Variants in WNK2 observed in about 807,000 individuals in gnomAD.
WNK2 encodes the protein serine/threonine-protein kinase WNK2.
WNK2 carries 67 observed loss-of-function variants against 192.1 expected under a neutral mutation model. The observed-to-expected ratio is 0.35, with a 90% CI of 0.29 to 0.43. WNK2 has a LOEUF of 0.43. WNK2 is among the 20% of genes least tolerant of loss of function. The pLI is 1.00. For missense variants in WNK2, 2,698 were observed against 3,089.7 expected, an observed-to-expected ratio of 0.87 and a Z score of 3.01; for synonymous variants, 1,439 against 1,393.9, an observed-to-expected ratio of 1.03 and a Z score of -0.72.
rs527852924 is a variant in WNK2 at position 93,197,544 on chromosome 9, C to T, written c.681+11934C>T. 5.3e-5 allele frequency among the ~76,000 whole-genome samples: 8 copies of T among 152,116 alleles called. No individual in the cohort carries two copies. In the South Asian group the frequency reaches 1.7e-3, roughly 32 times the overall value. On this transcript the variant is annotated intron_variant, in intron 2 of 29. Coordinates refer to ENST00000427277, the MANE Select transcript of WNK2 (RefSeq NM_006648.4). Reference sequence around the variant, plus strand: ...GATCTGTGTGGTGTTTCTTTTTTTTCTTGAGGGAGTCTTGCTCTGTCTCCT... The same window carrying T: ...GATCTGTGTGGTGTTTCTTTTTTTTTTTGAGGGAGTCTTGCTCTGTCTCCT...
In WNK2 at chr9:93,289,590, C is replaced by T. The variant is rs1848992887; in HGVS notation, c.4836C>T (p.Val1612=). 6.7e-7 allele frequency: 1 copy of T among 1,503,298 alleles called. No homozygotes were observed. The highest frequency in any genetic ancestry group is 8.8e-7 in the Non-Finnish European group (1 of 1,130,090). 93.1% of individuals were successfully genotyped at this position (1,503,298 alleles called of 1,614,324 possible). Residue 1612 remains valine (V), a synonymous_variant, in exon 20 of 30, where the codon GTC becomes GTT. Coordinates refer to ENST00000427277, the MANE Select transcript of WNK2 (RefSeq NM_006648.4). Reference sequence around the variant, plus strand: ...TGCCCCCAGTGCCTAAGGAGGCGGTCTCAGGGCGTGTCCAGCTGCCCCAGC... The same window carrying T: ...TGCCCCCAGTGCCTAAGGAGGCGGTTTCAGGGCGTGTCCAGCTGCCCCAGC... ...LALPPVPKEA[V]SGRVQLPQPL...
chr9:93,317,726 G>T, intron 29 of WNK2, 95 bp downstream of exon 29: 1 of 1,510,196 alleles, frequency 6.6e-7, no homozygotes, highest in Non-Finnish European at 9.0e-7. Flanking sequence ...GGGGGCCCTG[G>T]GCAGGCCAGG....
At chr9:93,317,355 C>T (rs1854880081) in intron 28 of WNK2, 165 bp from the exon 29 acceptor site, 3 of 658,768 alleles carry the variant, frequency 4.6e-6, no homozygotes, top group Non-Finnish European at 7.9e-6. Flanking sequence ...TTCCTGGCCC[C>T]ACACCATCAT....
At chr9:93,299,488 T>A (rs1010259754) in intron 25 of WNK2, among the ~76,000 whole-genome samples, 2 of 150,320 alleles carry the variant, frequency 1.3e-5, no homozygotes, top group Non-Finnish European at 3.0e-5. Context: ...CAGGGGGAGG[T>A]GATGCTTTGC....
At chr9:93,216,519 G>C (rs1254023819) in intron 2 of WNK2, among the ~76,000 whole-genome samples, 4 of 151,972 alleles carry the variant, frequency 2.6e-5, no homozygotes, top group Non-Finnish European at 2.9e-5. Context: ...GATGCTACTG[G>C]GGAGGCCAAG....
rs759462096 is a variant in WNK2 at position 93,320,375 on chromosome 9, A to G, written c.6637A>G (p.Ser2213Gly). Residue 2213 changes from serine (S) to glycine (G), a missense_variant, in exon 30 of 30, where the codon AGT becomes GGT. Ser to Gly is a moderately conservative substitution (Grantham distance 56). Coordinates refer to ENST00000427277, the MANE Select transcript of WNK2 (RefSeq NM_006648.4). ...GCGGTTTTGTTTTCCAGATCCTGAG[A>G]GTGAGAAGCCTGACTGACCCCGCCT... ...TLSVPTPDPESEKPD is the reference protein window; with the variant it reads ...TLSVPTPDPEGEKPD 1.5e-6 allele frequency: 2 copies of G among 1,367,426 alleles called. No homozygotes were observed. The highest frequency in any genetic ancestry group is 9.1e-5 in the East Asian group (2 of 21,986). 84.7% of individuals were successfully genotyped at this position (1,367,426 alleles called of 1,614,324 possible).
At chr9:93,308,606 C>A in intron 28 of WNK2, 22 bp downstream of exon 28, 2 of 382,178 alleles carry the variant, frequency 5.2e-6, no homozygotes, top group Non-Finnish European at 8.2e-6. Flanking sequence ...GCGGGTGGGG[C>A]GGGTGCTCCT....
Position 93,262,540 on chromosome 9 carries a change from G to C in WNK2, c.3361-130G>C. On this transcript the variant is annotated intron_variant, in intron 13 of 29. Coordinates refer to ENST00000427277, the MANE Select transcript of WNK2 (RefSeq NM_006648.4). ...GTCGTACCCACCTGGCTGCAGAAGA[G>C]AGCAGGAGAACGCAGCGGGGCAGGC... 6.1e-6 allele frequency: 6 copies of C among 976,344 alleles called. 1 individual carries two copies. Among genetic ancestry groups the C allele is most frequent in the Non-Finnish European group, 9.5e-6 (6 of 633,270 alleles). The allele number at this position is 976,344 out of a possible 1,614,324, so 60.5% of individuals were successfully genotyped here. A position where few individuals can be genotyped will look rare whatever the true frequency, so the allele number is the denominator to read the frequency against.
At chr9:93,215,263 C>T (rs1587950348) in intron 2 of WNK2, among the ~76,000 whole-genome samples, 1 of 152,202 alleles carries the variant, frequency 6.6e-6, no homozygotes, top group Non-Finnish European at 1.5e-5. Flanking sequence ...AGGTGCTAGC[C>T]ACCATGCCCA....
chr9:93,185,015 CT>C lies in WNK2; in HGVS notation c.87del (p.Arg30GlyfsTer18). ...RGAGPAGMAE[P>X]RAKAARPGPQ... The stretch of plus-strand genomic sequence containing the variant: ...GCGGGGCCCGCGGGCATGGCGGAGC[CT>C]CGGGCGAAGGCGGCGCGGCCGGGGC... On this transcript the variant is annotated frameshift_variant, in exon 2 of 30. Transcript: ENST00000427277. LOFTEE classifies it high-confidence loss of function. 2 of 1,252,504 alleles carry C rather than the reference CT, an allele frequency of 1.6e-6. No individual in the cohort carries two copies. Among genetic ancestry groups the C allele is most frequent in the Non-Finnish European group, 2.0e-6 (2 of 1,003,464 alleles). 77.6% of individuals were successfully genotyped at this position (1,252,504 alleles called of 1,614,324 possible). A position where few individuals can be genotyped will look rare whatever the true frequency, so the allele number is the denominator to read the frequency against.
intron 2 of WNK2, among the ~76,000 whole-genome samples, chr9:93,187,057 C>T (rs897151763): frequency 5.9e-5 from 9 of 152,158 alleles, no homozygotes; most frequent in African/African-American, 7.2e-5. Flanking sequence ...TTCTGGCGAG[C>T]GGTCTTCCTG....
rs113177764 is a variant in WNK2 at position 93,245,413 on chromosome 9, C to T, written c.1543-2130C>T. ...CGCCTGACTTCCATGTCCTGTCCCTCGGGACGGGCTCAGGTGGCCCTCTGT... is the reference window on the plus strand; with the variant it reads ...CGCCTGACTTCCATGTCCTGTCCCTTGGGACGGGCTCAGGTGGCCCTCTGT... On this transcript the variant is annotated intron_variant, in intron 7 of 29. Transcript: ENST00000427277. Among the ~76,000 whole-genome samples the T allele has an allele frequency of 1.3e-3, 204 of 152,328 alleles. 1 individual carries two copies. Among genetic ancestry groups the T allele is most frequent in the African/African-American group, 4.4e-3 (184 of 41,568 alleles).
At chr9:93,317,338 G>C (rs1053788910) in intron 28 of WNK2, 182 bp from the exon 29 acceptor site, 2 of 630,024 alleles carry the variant, frequency 3.2e-6, no homozygotes, top group African/African-American at 3.7e-5. Context: ...ACAAGGGAGG[G>C]TGATGGTTCC....
rs763446632 is a variant in WNK2 at position 93,289,509 on chromosome 9, G to T, written c.4755G>T (p.Leu1585=). The change falls in exon 20 of 30, where the codon CTG becomes CTT. Residue 1585 remains leucine, a synonymous_variant. Transcript: ENST00000427277. ...AGGTGGGCGACAGAGACTTCACCCT[G>T]GAGCCCCTGAGAGGGGACCAGCCCC... ...PVEVGDRDFT[L]EPLRGDQPRS... 1 of 1,605,250 alleles carries T rather than the reference G, an allele frequency of 6.2e-7. No individual in the cohort carries two copies. Among genetic ancestry groups the T allele is most frequent in the South Asian group, 1.1e-5 (1 of 90,738 alleles).
intron 21 of WNK2, among the ~76,000 whole-genome samples, chr9:93,291,854 G>C (rs1849417255): frequency 6.6e-6 from 1 of 152,202 alleles, no homozygotes; most frequent in Non-Finnish European, 1.5e-5. Context: ...TCCCTAGATG[G>C]AGAGCACCGG....
At chr9:93,295,932 C>T (rs1850252735) in intron 23 of WNK2, among the ~76,000 whole-genome samples, 1 of 141,804 alleles carries the variant, frequency 7.1e-6, no homozygotes, top group South Asian at 2.4e-4. Flanking sequence ...CTTTCCTCCC[C>T]TCTCCACCCT....
chr9:93,228,373 A>G (rs1838172139), intron 2 of WNK2, among the ~76,000 whole-genome samples: 1 of 152,120 alleles, frequency 6.6e-6, no homozygotes, highest in African/African-American at 2.4e-5. Flanking sequence ...GGAAGGATCC[A>G]GGGGTCTTGG....
In WNK2 at chr9:93,309,016, C is replaced by T. The variant is rs754854967; in HGVS notation, c.6516+432C>T. The T allele has an allele frequency of 7.4e-5, 74 of 1,004,474 alleles. No homozygotes were observed. The East Asian group carries it at 1.0e-3, about 14-fold the overall frequency. 62.2% of individuals were successfully genotyped at this position (1,004,474 alleles called of 1,614,324 possible). ...CACCAGCGTCTGGCCATAGCTCACACGCACCTGAGCCAATGTGGGGCGGAA... is the reference window on the plus strand; with the variant it reads ...CACCAGCGTCTGGCCATAGCTCACATGCACCTGAGCCAATGTGGGGCGGAA... On this transcript the variant is annotated intron_variant, in intron 28 of 29. Transcript: ENST00000427277.
At chr9:93,227,553 C>A (rs937346676) in intron 2 of WNK2, among the ~76,000 whole-genome samples, 15 of 152,158 alleles carry the variant, frequency 9.9e-5, no homozygotes, top group African/African-American at 3.4e-4. Context: ...GGTGAAGTAT[C>A]TGTTCATGTG....
Sources: gnomAD v4.1 joint callset for allele counts (sites outside exome capture counted in the v4.1 genomes callset) on GRCh38, gnomAD v4.1.1 for gene constraint, MANE v1.5 for transcripts, NCBI Gene and HGNC (gene_info 2026-07-23, HGNC 2026-07-21) for gene names.